The following GALNT17 variants were observed in gnomAD, a reference collection of about 807,000 sequenced individuals.
The protein encoded by GALNT17 is UDP-GalNAc:polypeptide N-acetylgalactosaminyltransferase-like 3.
A neutral mutation model predicts 63.7 loss-of-function variants in GALNT17; 29 were observed. The observed-to-expected ratio is 0.46, with a 90% CI of 0.34 to 0.62. The LOEUF (loss-of-function observed/expected upper bound fraction) is 0.62, where lower values mean the gene tolerates loss of function less well. Ranked by LOEUF, GALNT17 falls within the 20% of genes least tolerant of loss-of-function variation. The pLI, the probability that GALNT17 is intolerant of heterozygous loss-of-function variation, is 0.01. For synonymous variants in GALNT17, 305 were observed against 318.3 expected (o/e 0.96, Z 0.45); for missense variants, 603 against 799.6 (o/e 0.75, Z 2.97).
chr7:71,513,944 C>A (rs1463653523), intron 5 of GALNT17, among the ~76,000 whole-genome samples: 2 of 152,180 alleles, frequency 1.3e-5, no homozygotes, highest in Non-Finnish European at 2.9e-5. Context: ...GTCATCCCAG[C>A]ACTTTGCAGG....
At chr7:71,599,939 C>T (rs1460570607) in intron 6 of GALNT17, among the ~76,000 whole-genome samples, 1 of 151,588 alleles carries the variant, frequency 6.6e-6, no homozygotes, top group African/African-American at 2.4e-5. Flanking sequence ...TGGCCTCTAC[C>T]CACCAGATAA....
At chr7:71,648,375 A>G (rs116001789) in intron 6 of GALNT17, among the ~76,000 whole-genome samples, 2,275 of 151,868 alleles carry the variant, frequency 0.015, 53 homozygotes, top group African/African-American at 0.052. Flanking sequence ...GGATCAAACA[A>G]TTCTCCCGCG....
chr7:71,318,203 C>G (rs190387904), intron 1 of GALNT17, among the ~76,000 whole-genome samples: 6 of 152,220 alleles, frequency 3.9e-5, no homozygotes. Context: ...CTGTTCCCAG[C>G]CTTTGAGTTT....
At chr7:71,427,006 A>G (rs1786771633) in intron 5 of GALNT17, among the ~76,000 whole-genome samples, 1 of 152,090 alleles carries the variant, frequency 6.6e-6, no homozygotes, top group Non-Finnish European at 1.5e-5. Flanking sequence ...ATTAATAATG[A>G]TAATATACCA....
chr7:71,151,473 T>C (rs1788130978), intron 1 of GALNT17, among the ~76,000 whole-genome samples: 1 of 151,664 alleles, frequency 6.6e-6, no homozygotes, highest in African/African-American at 2.4e-5. Flanking sequence ...TACAAAAAAT[T>C]AGTCAGGCGT....
At chr7:71,542,361 C>CT (rs1156470344) in intron 5 of GALNT17, among the ~76,000 whole-genome samples, 2 of 151,942 alleles carry the variant, frequency 1.3e-5, no homozygotes, top group African/African-American at 4.8e-5. Context: ...AGAAAATCCA[C>CT]TTGCTTTGCT....
chr7:71,461,343 G>A (rs1350348190), intron 5 of GALNT17, among the ~76,000 whole-genome samples: 1 of 152,160 alleles, frequency 6.6e-6, no homozygotes, highest in Non-Finnish European at 1.5e-5. Flanking sequence ...GAGAACATAG[G>A]AAAGGGCCTT....
intron 1 of GALNT17, among the ~76,000 whole-genome samples, chr7:71,208,725 TAC>T (rs1333239777): frequency 2.6e-5 from 4 of 152,150 alleles, no homozygotes; most frequent in Non-Finnish European, 5.9e-5. Flanking sequence ...GTGCTGGGAC[TAC>T]AGGCGAGAGC....
intron 1 of GALNT17, among the ~76,000 whole-genome samples, chr7:71,191,790 C>T (rs1415299378): frequency 6.6e-6 from 1 of 152,018 alleles, no homozygotes; most frequent in East Asian, 1.9e-4. Context: ...TATATAAGTA[C>T]CTACGAGTGG....
chr7:71,456,170 T>C (rs6947338), intron 5 of GALNT17, among the ~76,000 whole-genome samples: 40,806 of 151,250 alleles, frequency 0.27, 7,443 homozygotes, highest in East Asian at 0.55. Flanking sequence ...TGCTTGAACC[T>C]GGGGGGCAGA....
chr7:71,404,921 G>A (rs1793301859), intron 3 of GALNT17, among the ~76,000 whole-genome samples: 1 of 152,200 alleles, frequency 6.6e-6, no homozygotes, highest in Admixed American at 6.5e-5. Flanking sequence ...CCTGCAGCCT[G>A]GCCAACTTTC....
chr7:71,668,198 T>G (rs1791014069), intron 7 of GALNT17, among the ~76,000 whole-genome samples: 1 of 152,142 alleles, frequency 6.6e-6, no homozygotes, highest in Non-Finnish European at 1.5e-5. Context: ...AGACAATCTC[T>G]GGTCCCAAAT....
Position 71,235,787 on chromosome 7 carries a change from C to T in GALNT17, c.239-99763C>T, listed in dbSNP as rs532310083. ...AGCATGAGGAAGGGGGTGCCCTTCT[C>T]CTCAAGCTCCACTCCTTCTTCATGG... On this transcript the variant is annotated intron_variant, in intron 1 of 10. Coordinates refer to ENST00000333538, the MANE Select transcript of GALNT17 (RefSeq NM_022479.3). 7.2e-5 allele frequency among the ~76,000 whole-genome samples: 11 copies of T among 152,346 alleles called. No individual in the cohort carries two copies. The South Asian group carries it at 2.3e-3, about 32-fold the overall frequency.
intron 7 of GALNT17, among the ~76,000 whole-genome samples, chr7:71,668,423 G>A (rs1198964462): frequency 6.8e-6 from 1 of 147,710 alleles, no homozygotes; most frequent in Non-Finnish European, 1.5e-5. Flanking sequence ...GGCTGAAGCA[G>A]GAGAATCGCT....
intron 5 of GALNT17, among the ~76,000 whole-genome samples, chr7:71,484,042 A>G (rs141890553): frequency 1.1e-3 from 167 of 152,224 alleles, no homozygotes; most frequent in African/African-American, 3.9e-3. Context: ...TATGATAACA[A>G]TGTATTTTTC....
chr7:71,422,927 GT>G (rs1003900410), intron 5 of GALNT17, among the ~76,000 whole-genome samples: 2 of 152,248 alleles, frequency 1.3e-5, no homozygotes, highest in African/African-American at 4.8e-5. Context: ...TGGGAAGGTG[GT>G]CTTCCCCTGG....
At chr7:71,393,023 T>A (rs1793077637) in intron 3 of GALNT17, among the ~76,000 whole-genome samples, 2 of 152,102 alleles carry the variant, frequency 1.3e-5, no homozygotes, top group Admixed American at 1.3e-4. Flanking sequence ...TATGAGTTTA[T>A]TTTTTTTAAG....
intron 1 of GALNT17, among the ~76,000 whole-genome samples, chr7:71,229,348 G>A (rs1375176808): frequency 6.6e-6 from 1 of 152,198 alleles, no homozygotes; most frequent in Admixed American, 6.5e-5. Context: ...TAGCAGACTG[G>A]CCAGCATTGG....
chr7:71,154,271 C>T lies in GALNT17; in HGVS notation c.238+21231C>T, dbSNP rs571838132. On this transcript the variant is annotated intron_variant, in intron 1 of 10. Coordinates refer to ENST00000333538, the MANE Select transcript of GALNT17 (RefSeq NM_022479.3). ...GACCCCTGGCTGTTCCGGCTTCCAG[C>T]TGTTTGTGTCTGTTCAGCGCAGGAG... is the stretch of plus-strand genomic sequence containing the variant. Among the ~76,000 whole-genome samples, 262 of 152,248 alleles carry T rather than the reference C, an allele frequency of 1.7e-3. 1 individual carries two copies. The highest frequency in any genetic ancestry group is 3.3e-3 in the Non-Finnish European group (224 of 68,030).
Sources: allele counts gnomAD v4.1 joint callset (sites outside exome capture counted in the v4.1 genomes callset), GRCh38; gene constraint gnomAD v4.1.1; transcripts MANE v1.5; gene names NCBI Gene and HGNC (gene_info 2026-07-23, HGNC 2026-07-21).